PCLO: variants seen among roughly 807,000 people sequenced by gnomAD.
PCLO encodes the protein piccolo presynaptic cytomatrix protein.
In PCLO, 82 loss-of-function variants were observed where a neutral mutation model predicts 427.5. The observed-to-expected ratio is 0.19, with a 90% CI of 0.16 to 0.23. PCLO has a LOEUF of 0.23. PCLO is among the 10% of genes least tolerant of loss of function. PCLO has a pLI of 1.00. For missense variants in PCLO, 6,239 were observed against 6,115.9 expected, an observed-to-expected ratio of 1.02 and a Z score of -0.67; for synonymous variants, 2,357 against 2,155.4, an observed-to-expected ratio of 1.09 and a Z score of -2.59.
At chr7:83,153,235 GTATA>G (rs556600837) in intron 2 of PCLO, among the ~76,000 whole-genome samples, 226 of 150,316 alleles carry the variant, frequency 1.5e-3, no homozygotes, top group African/African-American at 5.1e-3. Flanking sequence ...GTATATATGT[GTATA>G]TATATAAACT....
intron 3 of PCLO, among the ~76,000 whole-genome samples, chr7:83,093,477 G>GTGT (rs1209162419): frequency 1.1e-5 from 1 of 92,190 alleles, no homozygotes; most frequent in Non-Finnish European, 2.0e-5. Flanking sequence ...TGTGTGTATA[G>GTGT]ATATATATAT....
intron 3 of PCLO, among the ~76,000 whole-genome samples, chr7:83,108,079 A>T (rs78565970): frequency 0.018 from 2,735 of 151,932 alleles, 81 homozygotes; most frequent in African/African-American, 0.063. Flanking sequence ...CTTTGGCAAT[A>T]GTTATGGCCA....
At chr7:83,069,351 A>G (rs1405384805) in intron 3 of PCLO, among the ~76,000 whole-genome samples, 1 of 152,162 alleles carries the variant, frequency 6.6e-6, no homozygotes, top group African/African-American at 2.4e-5. Context: ...CTCATAAGTG[A>G]ACCCATGGGT....
At chr7:82,923,605 G>C (rs1036555194) in intron 6 of PCLO, among the ~76,000 whole-genome samples, 1 of 152,052 alleles carries the variant, frequency 6.6e-6, no homozygotes, top group Non-Finnish European at 1.5e-5. Flanking sequence ...CTCTGTCAAA[G>C]AGAAAATTGT....
intron 6 of PCLO, among the ~76,000 whole-genome samples, chr7:82,936,211 A>G (rs1794950463): frequency 6.6e-6 from 1 of 151,724 alleles, no homozygotes. Context: ...TTGAAATCAT[A>G]CAAAGTGCTT....
chr7:82,817,698 T>A (rs1358694454), intron 20 of PCLO, among the ~76,000 whole-genome samples: 4 of 152,152 alleles, frequency 2.6e-5, no homozygotes, highest in African/African-American at 7.2e-5. Flanking sequence ...GGAAGTAGCA[T>A]CAGGCTTTTC....
chr7:83,155,209 T>C lies in PCLO; in HGVS notation c.1432A>G (p.Lys478Glu), dbSNP rs531831352. The change falls in exon 2 of 25, where the codon AAG (lysine) becomes GAG (glutamate). Residue 478 changes from lysine (K) to glutamate (E), a missense_variant. Lys to Glu is a moderately conservative substitution (Grantham distance 56). Coordinates refer to ENST00000333891, the MANE Select transcript of PCLO (RefSeq NM_033026.6). Reference protein sequence around the residue: ...KPPSQLPGPAKPPPQQPGPAK... With the variant: ...KPPSQLPGPAEPPPQQPGPAK... Reference sequence around the variant, plus strand: ...GGGCCAGGCTGTTGAGGTGGGGGCTTTGCTGGGCCAGGCAGTTGTGAAGGA... The same window carrying C: ...GGGCCAGGCTGTTGAGGTGGGGGCTCTGCTGGGCCAGGCAGTTGTGAAGGA... 1 of 1,613,450 alleles carries C rather than the reference T, an allele frequency of 6.2e-7. No individual in the cohort carries two copies. Among genetic ancestry groups the C allele is most frequent in the South Asian group, 1.1e-5 (1 of 91,038 alleles).
chr7:82,827,938 C>T lies in PCLO; in HGVS notation c.14278G>A (p.Val4760Ile), dbSNP rs1201777260. Residue 4760 changes from valine to isoleucine, a missense_variant, in exon 17 of 25, where the codon GTC becomes ATC. Around this residue, in one of 5 missense-constraint regions of PCLO, gnomAD observed 877 missense variants for 925.5 expected, o/e 0.95. Coordinates refer to ENST00000333891, the MANE Select transcript of PCLO (RefSeq NM_033026.6). Reference protein sequence around the residue: ...SAEYKRRTKHVQKSLNPEWNQ... With the variant: ...SAEYKRRTKHIQKSLNPEWNQ... ...CACTCAGGATTAAGACTTTTCTGGACATGTTTAGTCCTTCTCTTGTACTCA... is the reference window on the plus strand; with the variant it reads ...CACTCAGGATTAAGACTTTTCTGGATATGTTTAGTCCTTCTCTTGTACTCA... 4 of 1,601,968 alleles carry T rather than the reference C, an allele frequency of 2.5e-6. No individual in the cohort carries two copies. In the South Asian group the frequency reaches 3.3e-5, roughly 13 times the overall value.
chr7:82,911,494 A>G (rs576315774), intron 7 of PCLO, among the ~76,000 whole-genome samples: 1 of 152,222 alleles, frequency 6.6e-6, no homozygotes, highest in East Asian at 1.9e-4. Context: ...TAAAATACAA[A>G]TAAGTTATTT....
rs1706285553 is a variant in PCLO at position 83,134,564 on chromosome 7, C to T, written c.2986G>A (p.Val996Met). The change falls in exon 3 of 25, where the codon GTG becomes ATG. Residue 996 changes from valine (V) to methionine (M), a missense_variant. Val to Met is a conservative substitution (Grantham distance 21, BLOSUM62 1). Transcript: ENST00000333891. ...APPAPAKSIP[V>M]KKETKAPAAE... ...GCTGGGGCTTTTGTTTCCTTTTTCACAGGTATACTTTTTGCAGGTGCTGGT... is the reference window on the plus strand; with the variant it reads ...GCTGGGGCTTTTGTTTCCTTTTTCATAGGTATACTTTTTGCAGGTGCTGGT... 2 of 1,613,802 alleles carry T rather than the reference C, an allele frequency of 1.2e-6. No individual in the cohort carries two copies. Among genetic ancestry groups the T allele is most frequent in the Non-Finnish European group, 1.7e-6 (2 of 1,179,868 alleles).
intron 3 of PCLO, among the ~76,000 whole-genome samples, chr7:82,991,036 TTTAA>T (rs1170244760): frequency 2.0e-5 from 3 of 152,176 alleles, no homozygotes; most frequent in African/African-American, 4.8e-5. Context: ...TGTTATTCTA[TTTAA>T]TTATTCAATA....
intron 9 of PCLO, among the ~76,000 whole-genome samples, chr7:82,884,469 G>A (rs1793583293): frequency 6.6e-6 from 1 of 152,114 alleles, no homozygotes. Flanking sequence ...TTCCTACCAA[G>A]AAAATTTGTC....
rs1254211347 is a variant in PCLO, at chr7:82,946,141, G to A, written c.11112+3335C>T. Among the ~76,000 whole-genome samples, 4 of 152,040 alleles carry A rather than the reference G, an allele frequency of 2.6e-5. No individual in the cohort carries two copies. The East Asian group carries it at 7.7e-4, about 29-fold the overall frequency. ...AAGTGAAAGTGATACTTTAAATAAG[G>A]GACATATTAACTTAGATTATCAACA... On this transcript the variant is annotated intron_variant, in intron 6 of 24. Transcript: ENST00000333891.
chr7:82,763,813 A>G (rs970561506), intron 22 of PCLO, among the ~76,000 whole-genome samples: 2 of 152,062 alleles, frequency 1.3e-5, no homozygotes, highest in African/African-American at 4.8e-5. Context: ...GAGATAGTTC[A>G]TAGTAGAGAG....
At chr7:83,094,771 G>T (rs1356652492) in intron 3 of PCLO, among the ~76,000 whole-genome samples, 1 of 152,152 alleles carries the variant, frequency 6.6e-6, no homozygotes, top group African/African-American at 2.4e-5. Context: ...CAACTGCCAG[G>T]TTATATGGTA....
intron 13 of PCLO, among the ~76,000 whole-genome samples, chr7:82,843,010 T>A (rs764520742): frequency 8.6e-5 from 13 of 151,948 alleles, no homozygotes; most frequent in Admixed American, 2.0e-4. Flanking sequence ...CTCAAAAAAA[T>A]TAAAAATAGA....
rs530203024 is a variant in PCLO at position 83,049,294 on chromosome 7, T to C, written c.3301-82807A>G. On this transcript the variant is annotated intron_variant, in intron 3 of 24. Transcript: ENST00000333891. ...GATACAAAAGCACTTTATGGTCTGA[T>C]AACATGATGCAACATGTGTTGTACC... 5.9e-5 allele frequency among the ~76,000 whole-genome samples: 9 copies of C among 152,286 alleles called. No individual in the cohort carries two copies. The South Asian group carries it at 1.9e-3, about 32-fold the overall frequency.
intron 3 of PCLO, among the ~76,000 whole-genome samples, chr7:83,133,500 T>A (rs1420973382): frequency 6.6e-6 from 1 of 152,092 alleles, no homozygotes; most frequent in Non-Finnish European, 1.5e-5. Flanking sequence ...TAGAAATTCG[T>A]CGTCTGCTTT....
rs901072299 is a variant in PCLO, at chr7:82,760,525, A to G, written c.15288+114T>C. The G allele has an allele frequency of 2.1e-5, 13 of 613,394 alleles. No individual in the cohort carries two copies. In the Admixed American group the frequency reaches 4.5e-4, roughly 21 times the overall value. The allele number at this position is 613,394 out of a possible 1,614,324, so 38.0% of individuals were successfully genotyped here. A position where few individuals can be genotyped will look rare whatever the true frequency, so the allele number is the denominator to read the frequency against. ...GGGAGATACTGCTGAAAATTAATTA[A>G]CTTCTCAAATGTCATATAGTGTATG... is the stretch of plus-strand genomic sequence containing the variant. On this transcript the variant is annotated intron_variant, in intron 24 of 24. Transcript: ENST00000333891.
Sources: gnomAD v4.1 joint callset for allele counts (sites outside exome capture counted in the v4.1 genomes callset) on GRCh38, gnomAD v4.1.1 for gene constraint, gnomAD v4.1.1 regional missense constraint, MANE v1.5 for transcripts, NCBI Gene and HGNC (gene_info 2026-07-23, HGNC 2026-07-21) for gene names.